Variants in CACNG3 observed in about 807,000 individuals in gnomAD.
CACNG3 encodes calcium voltage-gated channel auxiliary subunit gamma 3, also known as voltage-dependent calcium channel gamma-3 subunit.
In CACNG3, 3 loss-of-function variants were observed where a neutral mutation model predicts 28.5. The ratio of observed to expected loss-of-function variants is 0.11; its 90% CI spans 0.05 to 0.27. The LOEUF (loss-of-function observed/expected upper bound fraction) is 0.27. Among genes scored for constraint, CACNG3 ranks in the 10% least tolerant of loss-of-function variants. The pLI is 1.00. For missense variants in CACNG3, 236 were observed against 414.4 expected (o/e 0.57, Z 3.74); for synonymous variants, 174 against 162.2 (o/e 1.07, Z -0.55).
At chr16:24,341,904 G>A (rs984068096) in intron 1 of CACNG3, among the ~76,000 whole-genome samples, 2 of 152,192 alleles carry the variant, frequency 1.3e-5, no homozygotes, top group African/African-American at 2.4e-5. Context: ...GGAAATGTGA[G>A]ACAGAGGTCC....
intron 1 of CACNG3, among the ~76,000 whole-genome samples, chr16:24,336,911 C>T (rs75691480): frequency 0.14 from 20,832 of 152,036 alleles, 1,790 homozygotes; most frequent in Non-Finnish European, 0.18. Flanking sequence ...ATCTCCCAGA[C>T]GCAAGTGATC....
intron 1 of CACNG3, among the ~76,000 whole-genome samples, chr16:24,307,477 A>G (rs1353329566): frequency 4.6e-5 from 7 of 152,120 alleles, no homozygotes; most frequent in Non-Finnish European, 1.5e-5. Flanking sequence ...CACTGTGACA[A>G]CTGACAGCTG....
intron 1 of CACNG3, among the ~76,000 whole-genome samples, chr16:24,301,043 CAAAAAA>C (rs71381659): frequency 2.5e-4 from 26 of 104,674 alleles, no homozygotes; most frequent in African/African-American, 8.1e-4. Context: ...GGCTCCATCT[CAAAAAA>C]AAAAAAAAAA....
chr16:24,257,429 T>C (rs865891243), intron 1 of CACNG3, among the ~76,000 whole-genome samples: 1 of 66,006 alleles, frequency 1.5e-5, no homozygotes, highest in Non-Finnish European at 3.0e-5. Context: ...GAGAGAGAGA[T>C]CCTGACCCGG....
intron 2 of CACNG3, among the ~76,000 whole-genome samples, chr16:24,347,921 A>G (rs1899890853): frequency 6.6e-6 from 1 of 152,218 alleles, no homozygotes. Context: ...TGACAGGGTC[A>G]CAAAAATTAG....
chr16:24,293,670 A>T (rs969492213), intron 1 of CACNG3, among the ~76,000 whole-genome samples: 3 of 152,154 alleles, frequency 2.0e-5, no homozygotes, highest in Admixed American at 6.5e-5. Context: ...GATATTTGGG[A>T]TGCCTTCTAC....
intron 1 of CACNG3, among the ~76,000 whole-genome samples, chr16:24,345,007 A>G (rs1899842058): frequency 6.6e-6 from 1 of 152,000 alleles, no homozygotes; most frequent in African/African-American, 2.4e-5. Context: ...AATAGCCTCT[A>G]CCTCCTGGGG....
chr16:24,309,194 C>A (rs1367194505), intron 1 of CACNG3, among the ~76,000 whole-genome samples: 1 of 152,160 alleles, frequency 6.6e-6, no homozygotes, highest in Non-Finnish European at 1.5e-5. Context: ...AATAAGTATG[C>A]AGAGTAGAAA....
chr16:24,336,439 TTTTG>T (rs1444215268), intron 1 of CACNG3, among the ~76,000 whole-genome samples: 1 of 151,486 alleles, frequency 6.6e-6, no homozygotes, highest in African/African-American at 2.4e-5. Flanking sequence ...ACCCGGCTAA[TTTTG>T]TTTTTGTATT....
At chr16:24,269,701 A>G (rs1390110521) in intron 1 of CACNG3, among the ~76,000 whole-genome samples, 7 of 143,236 alleles carry the variant, frequency 4.9e-5, no homozygotes, top group African/African-American at 1.5e-4. Flanking sequence ...GAGCTGAGAT[A>G]GCACCATTGC....
intron 1 of CACNG3, among the ~76,000 whole-genome samples, chr16:24,318,570 A>G (rs1899418397): frequency 6.6e-6 from 1 of 152,162 alleles, no homozygotes; most frequent in East Asian, 1.9e-4. Flanking sequence ...TCTCACTTCC[A>G]GCCAAAACAA....
chr16:24,339,391 T>C (rs1478725588), intron 1 of CACNG3, among the ~76,000 whole-genome samples: 1 of 151,964 alleles, frequency 6.6e-6, no homozygotes, highest in Non-Finnish European at 1.5e-5. Flanking sequence ...TTCTTCCTTT[T>C]TTTTTTTTTT....
At chr16:24,320,793 G>A (rs1899445323) in intron 1 of CACNG3, among the ~76,000 whole-genome samples, 1 of 152,126 alleles carries the variant, frequency 6.6e-6, no homozygotes, top group Admixed American at 6.6e-5. Flanking sequence ...GCAGTGGCAT[G>A]ATCACGTCTC....
chr16:24,308,839 CAAAAAAAA>C (rs71154298), intron 1 of CACNG3, among the ~76,000 whole-genome samples: 65 of 27,270 alleles, frequency 2.4e-3, no homozygotes, highest in African/African-American at 5.6e-3. Context: ...GAACCTACCT[CAAAAAAAA>C]AAAAAAAAAA....
chr16:24,257,361 T>TGG (rs1236477291), intron 1 of CACNG3, among the ~76,000 whole-genome samples: 3 of 61,442 alleles, frequency 4.9e-5, no homozygotes, highest in Non-Finnish European at 9.2e-5. Flanking sequence ...AGGAAAGAAG[T>TGG]GAGGGGGGAG....
intron 1 of CACNG3, among the ~76,000 whole-genome samples, chr16:24,259,316 C>T (rs1037615489): frequency 7.2e-5 from 11 of 152,200 alleles, no homozygotes; most frequent in Admixed American, 3.3e-4. Flanking sequence ...GTGTACTAAA[C>T]ACATCAAGTG....
At chr16:24,286,395 T>G (rs1010332609) in intron 1 of CACNG3, among the ~76,000 whole-genome samples, 2 of 147,554 alleles carry the variant, frequency 1.4e-5, no homozygotes, top group Non-Finnish European at 3.0e-5. Flanking sequence ...ATGTCTTGAT[T>G]ATTAAATGAA....
intron 1 of CACNG3, among the ~76,000 whole-genome samples, chr16:24,338,523 T>C (rs1045853357): frequency 6.6e-5 from 10 of 152,008 alleles, no homozygotes; most frequent in Admixed American, 6.6e-5. Flanking sequence ...TTTGTATTTT[T>C]TAGTAGAGAC....
intron 1 of CACNG3, among the ~76,000 whole-genome samples, chr16:24,274,656 T>G (rs1487367059): frequency 3.3e-5 from 5 of 152,180 alleles, no homozygotes; most frequent in Admixed American, 6.5e-5. Flanking sequence ...TGGGCCTGAC[T>G]TCATACTGGT....
Sources: gnomAD v4.1 joint callset for allele counts (sites outside exome capture counted in the v4.1 genomes callset) on GRCh38, gnomAD v4.1.1 for gene constraint, MANE v1.5 for transcripts, NCBI Gene and HGNC (gene_info 2026-07-23, HGNC 2026-07-21) for gene names.